ATP2A2: variants seen among roughly 807,000 people sequenced by gnomAD.
The protein encoded by ATP2A2 is sarcoplasmic/endoplasmic reticulum calcium ATPase 2.
ATP2A2 carries 14 observed loss-of-function variants against 109.3 expected under a neutral mutation model. The ratio of observed to expected loss-of-function variants is 0.13; its 90% CI spans 0.08 to 0.20. ATP2A2 has a LOEUF of 0.20. ATP2A2 is among the 10% of genes least tolerant of loss of function. ATP2A2 has a pLI of 1.00. For missense variants in ATP2A2, 657 were observed against 1,321.6 expected, an observed-to-expected ratio of 0.50 and a Z score of 7.80; for synonymous variants, 506 against 490.9, an observed-to-expected ratio of 1.03 and a Z score of -0.41.
rs1157896245 is a variant in ATP2A2, at chr12:110,333,110, G to A, written c.1185-71G>A. On this transcript the variant is annotated intron_variant, in intron 9 of 19. Coordinates refer to ENST00000539276, the MANE Select transcript of ATP2A2 (RefSeq NM_170665.4). ...TGTTTTCATTATTAAACAATTGCGG[G>A]GGGGCAGGGGGCGGGAGGAATCAAT... 1.1e-5 allele frequency: 14 copies of A among 1,282,470 alleles called. No homozygotes were observed. The Admixed American group carries it at 2.4e-4, about 22-fold the overall frequency. The allele number at this position is 1,282,470 out of a possible 1,614,324, so 79.4% of individuals were successfully genotyped here. A position where few individuals can be genotyped will look rare whatever the true frequency, so the allele number is the denominator to read the frequency against.
intron 5 of ATP2A2, among the ~76,000 whole-genome samples, chr12:110,316,905 G>A (rs1876725147): frequency 1.3e-5 from 2 of 152,196 alleles, no homozygotes; most frequent in Admixed American, 6.5e-5. Flanking sequence ...TTATAAGCCC[G>A]GGTTGGGATG....
chr12:110,340,977 G>C lies in ATP2A2; in HGVS notation c.2080G>C (p.Asp694His), dbSNP rs774030229. 1.2e-6 allele frequency: 2 copies of C among 1,614,054 alleles called. No individual in the cohort carries two copies. Among genetic ancestry groups the C allele is most frequent in the African/African-American group, 2.7e-5 (2 of 74,914 alleles). ...SKIVEFLQSF[D>H]EITAMTGDGV... ...AATCGTAGAATTTCTTCAGTCTTTT[G>C]ATGAGATTACAGCTATGGTGAGCAT... The change falls in exon 14 of 20, where the codon GAT becomes CAT. Residue 694 changes from aspartate (D) to histidine (H), a missense_variant. Transcript: ENST00000539276. This position sits in a 1 kb window ranked among gnomAD's most constrained non-coding sequence, Gnocchi z 6.0.
At chr12:110,333,122 C>T (rs752351675) in intron 9 of ATP2A2, 59 bp from the exon 10 acceptor site, 38 of 1,388,476 alleles carry the variant, frequency 2.7e-5, no homozygotes, top group Admixed American at 2.7e-4. Flanking sequence ...GGGCAGGGGG[C>T]GGGAGGAATC....
intron 8 of ATP2A2, among the ~76,000 whole-genome samples, chr12:110,328,904 T>G (rs557944649): frequency 7.9e-5 from 12 of 152,196 alleles, no homozygotes; most frequent in Non-Finnish European, 1.5e-4. Flanking sequence ...TCTCTAGGTG[T>G]ATGTTAATAG....
chr12:110,319,961 T>TC (rs1877072723), intron 5 of ATP2A2, among the ~76,000 whole-genome samples: 1 of 152,152 alleles, frequency 6.6e-6, no homozygotes, highest in African/African-American at 2.4e-5. Context: ...GTAGAGATGT[T>TC]CAACAGTAAG....
rs748170236 is a variant in ATP2A2 at position 110,342,619 on chromosome 12, C to T, written c.2318+171C>T. Among the ~76,000 whole-genome samples the T allele has an allele frequency of 2.0e-5, 3 of 152,062 alleles. No individual in the cohort carries two copies. Among genetic ancestry groups the T allele is most frequent in the Non-Finnish European group, 2.9e-5 (2 of 68,014 alleles). On this transcript the variant is annotated intron_variant, in intron 15 of 19. Transcript: ENST00000539276. This position sits in a 1 kb window ranked among gnomAD's most constrained non-coding sequence, Gnocchi z 4.6. ...CTTATGGAAGCAGTGGTGCTTTGGC[C>T]CTCGGGAGGGTTGTCTGCAGCTGCC...
At chr12:110,333,387 TG>T in intron 10 of ATP2A2, 104 bp downstream of exon 10, 1 of 1,099,582 alleles carries the variant, frequency 9.1e-7, no homozygotes, top group Non-Finnish European at 1.4e-6. Context: ...AAGTCAAGGG[TG>T]CCTGATTTTG....
At chr12:110,335,286 T>A (rs912894398) in intron 11 of ATP2A2, among the ~76,000 whole-genome samples, 4 of 152,176 alleles carry the variant, frequency 2.6e-5, no homozygotes, top group Non-Finnish European at 5.9e-5. Context: ...CGGCTGCTGG[T>A]GAAGAATGGC....
Position 110,342,504 on chromosome 12 carries a change from A to C in ATP2A2, c.2318+56A>C, listed in dbSNP as rs1879453082. The C allele has an allele frequency of 6.3e-7, 1 of 1,574,886 alleles. No homozygotes were observed. The highest frequency in any genetic ancestry group is 8.7e-7 in the Non-Finnish European group (1 of 1,150,776). ...ACGCCTTTATCTAAATGGGTCATGG[A>C]GCCCAGTTCTCGCAGTTTGCTCTCC... On this transcript the variant is annotated intron_variant, in intron 15 of 19. Coordinates refer to ENST00000539276, the MANE Select transcript of ATP2A2 (RefSeq NM_170665.4). The surrounding 1 kb of genome is among the most constrained non-coding windows in gnomAD (Gnocchi z 4.6).
chr12:110,311,446 G>T (rs769944758), intron 5 of ATP2A2, among the ~76,000 whole-genome samples: 1 of 151,782 alleles, frequency 6.6e-6, no homozygotes, highest in Non-Finnish European at 1.5e-5. Context: ...AAAATTAGCC[G>T]GGTGCAGTGG....
Position 110,348,483 on chromosome 12 carries a change from T to G in ATP2A2, c.*2013T>G. On this transcript the variant is annotated 3_prime_UTR_variant, in exon 20 of 20. Coordinates refer to ENST00000539276, the MANE Select transcript of ATP2A2 (RefSeq NM_170665.4). ...GCAGATGGTTGGAGTTTGGGGAGGG[T>G]TAGGAGGCATCAAGCAGGACAAGGT... The G allele has an allele frequency of 2.1e-5, 21 of 984,800 alleles. No homozygotes were observed. The highest frequency in any genetic ancestry group is 2.4e-5 in the Non-Finnish European group (20 of 829,868). The allele number at this position is 984,800 out of a possible 1,614,324, so 61.0% of individuals were successfully genotyped here. A position where few individuals can be genotyped will look rare whatever the true frequency, so the allele number is the denominator to read the frequency against.
At chr12:110,292,269 A>G in intron 4 of ATP2A2, 145 bp downstream of exon 4, 1 of 718,644 alleles carries the variant, frequency 1.4e-6, no homozygotes, top group Non-Finnish European at 2.4e-6. Flanking sequence ...CCTTTATTCC[A>G]TAAATTAATT....
chr12:110,334,744 C>A (rs1305910251), intron 11 of ATP2A2, among the ~76,000 whole-genome samples: 1 of 152,058 alleles, frequency 6.6e-6, no homozygotes, highest in African/African-American at 2.4e-5. Context: ...CACGCCACCA[C>A]GCCTGGCTAA....
chr12:110,344,807 TG>T, intron 16 of ATP2A2, 78 bp from the exon 17 acceptor site: 1 of 1,372,234 alleles, frequency 7.3e-7, no homozygotes, highest in Non-Finnish European at 1.0e-6. Context: ...TTCGTCCTTG[TG>T]GGGACTGGCC....
intron 6 of ATP2A2, among the ~76,000 whole-genome samples, chr12:110,324,270 G>A (rs190601380): frequency 5.1e-4 from 78 of 151,698 alleles, no homozygotes; most frequent in Admixed American, 9.8e-4. Flanking sequence ...TATTTTTTTT[G>A]GTATTGTTTC....
intron 16 of ATP2A2, 131 bp from the exon 17 acceptor site, chr12:110,344,755 A>G: frequency 3.4e-6 from 3 of 875,132 alleles, no homozygotes; most frequent in South Asian, 2.8e-5. Context: ...TGGTGGTAGC[A>G]CCACAGGCCC....
rs557322614 is a variant in ATP2A2 at position 110,342,025 on chromosome 12, G to A, written c.2098-203G>A. The stretch of plus-strand genomic sequence containing the variant: ...TTTGAAGTCCCCTTTGTCCCACTTC[G>A]GTAAACTTATTTGGTAATTTTACAT... On this transcript the variant is annotated intron_variant, in intron 14 of 19. Coordinates refer to ENST00000539276, the MANE Select transcript of ATP2A2 (RefSeq NM_170665.4). The surrounding 1 kb of genome is among the most constrained non-coding windows in gnomAD (Gnocchi z 4.6). 5.9e-5 allele frequency among the ~76,000 whole-genome samples: 9 copies of A among 152,182 alleles called. No individual in the cohort carries two copies. Among genetic ancestry groups the A allele is most frequent in the African/African-American group, 2.2e-4 (9 of 41,536 alleles).
intron 4 of ATP2A2, chr12:110,296,110 T>C (rs1873934163): frequency 6.1e-6 from 1 of 164,670 alleles, no homozygotes; most frequent in Non-Finnish European, 1.3e-5. Context: ...GGGGTTTTTT[T>C]TGTTTTGTTT....
chr12:110,290,824 G>A (rs766312036), intron 3 of ATP2A2, among the ~76,000 whole-genome samples: 2 of 151,890 alleles, frequency 1.3e-5, no homozygotes, highest in Non-Finnish European at 2.9e-5. Context: ...GGGTGGTCTC[G>A]AATTCCTGAC....
Sources: gnomAD v4.1 joint callset for allele counts (sites outside exome capture counted in the v4.1 genomes callset) on GRCh38, gnomAD v4.1.1 for gene constraint, Gnocchi (gnomAD v3.1) non-coding constraint, MANE v1.5 for transcripts, NCBI Gene and HGNC (gene_info 2026-07-23, HGNC 2026-07-21) for gene names.